The following PCDH15 variants were observed in gnomAD, a reference collection of about 807,000 sequenced individuals.
The protein encoded by PCDH15 is protocadherin related 15.
Under a neutral mutation model 178.5 loss-of-function variants are expected in PCDH15, and 129 were observed. That is an observed-to-expected ratio of 0.72 (90% CI 0.63 to 0.84). The LOEUF (loss-of-function observed/expected upper bound fraction) is 0.84. Ranked by LOEUF, PCDH15 falls within the 40% of genes least tolerant of loss-of-function variation. The probability of loss-of-function intolerance (pLI) is 0.00; values close to 1 mark genes in which losing one functional copy is unlikely to be tolerated. For missense variants in PCDH15, 2,230 were observed against 2,099.9 expected (o/e 1.06, Z -1.21); for synonymous variants, 800 against 732.0 (o/e 1.09, Z -1.50).
intron 2 of PCDH15, among the ~76,000 whole-genome samples, chr10:55,422,555 C>A (rs1440467467): frequency 2.0e-5 from 3 of 151,854 alleles, no homozygotes; most frequent in Non-Finnish European, 4.4e-5. Flanking sequence ...ACCTGCAGAA[C>A]ATGTCTCATA....
chr10:54,333,162 G>A (rs1401735303), intron 6 of PCDH15, among the ~76,000 whole-genome samples: 1 of 152,006 alleles, frequency 6.6e-6, no homozygotes, highest in Non-Finnish European at 1.5e-5. Flanking sequence ...TGGCCAGTCT[G>A]GTCTCGAACT....
chr10:55,299,559 G>A (rs1308267879), intron 1 of PCDH15, among the ~76,000 whole-genome samples: 3 of 152,196 alleles, frequency 2.0e-5, no homozygotes, highest in South Asian at 2.1e-4. Flanking sequence ...TTTCTAATTC[G>A]CCAAGCTTTG....
intron 1 of PCDH15, among the ~76,000 whole-genome samples, chr10:54,783,977 A>T (rs1950604663): frequency 6.6e-6 from 1 of 152,126 alleles, no homozygotes; most frequent in African/African-American, 2.4e-5. Context: ...TCATGGCAGA[A>T]GGCAAAGGGG....
At chr10:55,486,091 G>T (rs1049800819) in intron 2 of PCDH15, among the ~76,000 whole-genome samples, 1 of 151,670 alleles carries the variant, frequency 6.6e-6, no homozygotes, top group African/African-American at 2.4e-5. Flanking sequence ...ATGTGCTCTA[G>T]TTATGCCCCA....
chr10:55,193,973 C>T (rs1016841625), intron 1 of PCDH15, among the ~76,000 whole-genome samples: 11 of 151,906 alleles, frequency 7.2e-5, no homozygotes, highest in African/African-American at 2.4e-4. Flanking sequence ...CTAATATTAG[C>T]TTATATTTGC....
At chr10:54,707,074 G>A (rs2095372490) in intron 1 of PCDH15, among the ~76,000 whole-genome samples, 1 of 152,182 alleles carries the variant, frequency 6.6e-6, no homozygotes, top group Admixed American at 6.5e-5. Context: ...GAACACTGTA[G>A]CTGTACTTGG....
At chr10:53,811,221 T>G (rs1235463677) in intron 36 of PCDH15, among the ~76,000 whole-genome samples, 1 of 152,166 alleles carries the variant, frequency 6.6e-6, no homozygotes, top group East Asian at 1.9e-4. Context: ...GATAAAACAT[T>G]AACATCTTAT....
rs16907426 is a variant in PCDH15 at position 55,431,574 on chromosome 10, G to C, written c.-156+196051C>G. Among the ~76,000 whole-genome samples the C allele has an allele frequency of 4.4e-3, 677 of 152,234 alleles. 7 individuals are homozygous for C. The highest frequency in any genetic ancestry group is 0.016 in the African/African-American group (648 of 41,554). On this transcript the variant is annotated intron_variant, in intron 2 of 5. Coordinates refer to the PCDH15 transcript ENST00000613346. ...AAAATTAATTTGAAATTCTAAAACT[G>C]TTAAATCTAAGTATTTTCAAAATAG...
At chr10:55,303,234 A>C (rs976445485) in intron 1 of PCDH15, among the ~76,000 whole-genome samples, 2 of 152,164 alleles carry the variant, frequency 1.3e-5, no homozygotes, top group Non-Finnish European at 2.9e-5. Flanking sequence ...TCCATTCTGC[A>C]TTCTCTTTGC....
At chr10:54,659,303 A>G (rs1424789828) in intron 2 of PCDH15, among the ~76,000 whole-genome samples, 5 of 152,222 alleles carry the variant, frequency 3.3e-5, no homozygotes, top group Non-Finnish European at 7.3e-5. Flanking sequence ...TACAGAACAT[A>G]CCATGCAACA....
chr10:54,640,954 A>C (rs2093974050), intron 2 of PCDH15: 1 of 159,854 alleles, frequency 6.3e-6, no homozygotes, highest in Non-Finnish European at 1.4e-5. Context: ...AAATACAAAA[A>C]TTAGCCGAGC....
At chr10:54,744,930 TTGTGTG>T (rs575190359) in intron 1 of PCDH15, among the ~76,000 whole-genome samples, 1 of 150,624 alleles carries the variant, frequency 6.6e-6, no homozygotes, top group Non-Finnish European at 1.5e-5. Flanking sequence ...TACAGACATT[TTGTGTG>T]TGTGTGTGTG....
At chr10:55,486,761 C>T (rs1279280344) in intron 2 of PCDH15, among the ~76,000 whole-genome samples, 6 of 149,528 alleles carry the variant, frequency 4.0e-5, no homozygotes, top group Non-Finnish European at 7.4e-5. Flanking sequence ...CCTGCCTCTG[C>T]CTTCAGAGTC....
At chr10:55,337,510 A>G (rs1844426476) in intron 2 of PCDH15, among the ~76,000 whole-genome samples, 1 of 152,218 alleles carries the variant, frequency 6.6e-6, no homozygotes, top group Non-Finnish European at 1.5e-5. Flanking sequence ...ATGATATGAA[A>G]GGAATCGGAT....
intron 2 of PCDH15, among the ~76,000 whole-genome samples, chr10:54,620,374 T>C (rs1408444302): frequency 6.6e-6 from 1 of 152,056 alleles, no homozygotes; most frequent in Non-Finnish European, 1.5e-5. Flanking sequence ...CAGATGGGAA[T>C]TTGAGATAAA....
chr10:54,284,446 T>C (rs769226743), intron 8 of PCDH15, among the ~76,000 whole-genome samples: 24 of 152,186 alleles, frequency 1.6e-4, no homozygotes, highest in Non-Finnish European at 2.8e-4. Context: ...TATTTTCCAG[T>C]ATATCATAAA....
At chr10:55,365,526 C>T (rs1364361440) in intron 2 of PCDH15, among the ~76,000 whole-genome samples, 1 of 151,922 alleles carries the variant, frequency 6.6e-6, no homozygotes, top group Non-Finnish European at 1.5e-5. Flanking sequence ...GTGTTCACAC[C>T]CAAATCTCAT....
At chr10:54,492,956 C>T (rs935768684) in intron 3 of PCDH15, among the ~76,000 whole-genome samples, 1 of 152,212 alleles carries the variant, frequency 6.6e-6, no homozygotes, top group Middle Eastern at 3.4e-3. Flanking sequence ...CAAGGAGGAG[C>T]AAGACATGTC....
chr10:54,872,893 C>A (rs1359312634), intron 3 of PCDH15, among the ~76,000 whole-genome samples: 1 of 152,050 alleles, frequency 6.6e-6, no homozygotes, highest in Non-Finnish European at 1.5e-5. Flanking sequence ...ATTTACCATT[C>A]ATTCCTAGGC....
Sources: gnomAD v4.1 joint callset for allele counts (sites outside exome capture counted in the v4.1 genomes callset) on GRCh38, gnomAD v4.1.1 for gene constraint, MANE v1.5 for transcripts, NCBI Gene and HGNC (gene_info 2026-07-23, HGNC 2026-07-21) for gene names.